Variants in CSF2RA observed in about 807,000 individuals in gnomAD.
CSF2RA encodes the protein granulocyte-macrophage colony-stimulating factor receptor subunit alpha.
In CSF2RA, 42 loss-of-function variants were observed where a neutral mutation model predicts 51.6. The ratio of observed to expected loss-of-function variants is 0.81; its 90% CI spans 0.64 to 1.05. The LOEUF (loss-of-function observed/expected upper bound fraction) is 1.05, where lower values mean the gene tolerates loss of function less well. CSF2RA is among the 50% of genes least tolerant of loss of function. The pLI is 0.00. For missense variants in CSF2RA, 530 were observed against 501.1 expected (o/e 1.06, Z -0.55); for synonymous variants, 222 against 193.0 (o/e 1.15, Z -1.24).
the CSF2RA span, among the ~76,000 whole-genome samples, chrX:1,316,997 A>G: frequency 6.6e-6 from 1 of 152,112 alleles, no homozygotes; most frequent in African/African-American, 2.4e-5. Flanking sequence ...CCCAGGCTGG[A>G]GTGCAGTGGC....
intron 2 of CSF2RA, among the ~76,000 whole-genome samples, chrX:1,279,782 T>C (rs1306454052): frequency 6.6e-6 from 1 of 151,792 alleles, no homozygotes; most frequent in Non-Finnish European, 1.5e-5. Context: ...CAACCGTTTT[T>C]TTTTTTTGTT....
At chrX:1,270,430 G>T (rs59881700) in intron 1 of CSF2RA, among the ~76,000 whole-genome samples, 3,476 of 151,912 alleles carry the variant, frequency 0.023, 134 homozygotes, top group African/African-American at 0.079. Flanking sequence ...TAGGGACGAG[G>T]GTTTCACTGT....
chrX:1,274,237 GC>G (rs1277705287), intron 1 of CSF2RA, among the ~76,000 whole-genome samples: 6 of 152,030 alleles, frequency 3.9e-5, no homozygotes, highest in Non-Finnish European at 8.8e-5. Context: ...GGTTAAGGAC[GC>G]CTGCCCATGA....
At chrX:1,289,541 T>C (rs2091132264) in intron 6 of CSF2RA, among the ~76,000 whole-genome samples, 1 of 150,670 alleles carries the variant, frequency 6.6e-6, no homozygotes, top group Admixed American at 6.7e-5. Flanking sequence ...TGTTTTTCTT[T>C]TGTTTTTGTG....
chrX:1,312,066 C>G (rs1324088958), downstream of CSF2RA, among the ~76,000 whole-genome samples: 1 of 152,176 alleles, frequency 6.6e-6, no homozygotes, highest in Non-Finnish European at 1.5e-5. Flanking sequence ...AGGCAATTCT[C>G]ATGCCTCAGC....
chrX:1,286,034 A>T, intron 4 of CSF2RA, 114 bp downstream of exon 4: 1 of 1,166,686 alleles, frequency 8.6e-7, no homozygotes. Context: ...GCACTTTGGG[A>T]GGCTGAGGTG....
At chrX:1,287,744 CT>C (rs1178100946) in intron 4 of CSF2RA, among the ~76,000 whole-genome samples, 1 of 124,160 alleles carries the variant, frequency 8.1e-6, no homozygotes, top group South Asian at 2.7e-4. Context: ...ATGTCCGACC[CT>C]TTTTTTGGGG....
intron 6 of CSF2RA, among the ~76,000 whole-genome samples, chrX:1,289,492 C>G (rs1333193435): frequency 1.3e-5 from 2 of 151,014 alleles, no homozygotes; most frequent in Non-Finnish European, 3.0e-5. Context: ...TTTTGTTTTG[C>G]CTTGTGTTTT....
At chrX:1,272,452 C>T (rs28838006) in intron 1 of CSF2RA, among the ~76,000 whole-genome samples, 10 of 150,200 alleles carry the variant, frequency 6.7e-5, no homozygotes, top group African/African-American at 2.2e-4. Context: ...ATTTCTACTG[C>T]GGACTGAACT....
At chrX:1,313,306 C>T (rs1207847105), downstream of CSF2RA, among the ~76,000 whole-genome samples, 7 of 151,690 alleles carry the variant, frequency 4.6e-5, no homozygotes, top group East Asian at 1.9e-4. Context: ...TGGTGGCACA[C>T]GCCTGTAATC....
chrX:1,285,843 A>G lies in CSF2RA; in HGVS notation c.142A>G (p.Ser48Gly), dbSNP rs1437263714. The G allele has an allele frequency of 1.2e-6, 2 of 1,613,806 alleles. No homozygotes were observed. Among genetic ancestry groups the G allele is most frequent in the Non-Finnish European group, 1.7e-6 (2 of 1,179,856 alleles). ...VRFDSRTMNL[S>G]WDCQENTTFS... ...GTTTGACTCCAGGACGATGAATTTAAGCTGGGACTGCCAAGAAAACACAAC... is the reference window on the plus strand; with the variant it reads ...GTTTGACTCCAGGACGATGAATTTAGGCTGGGACTGCCAAGAAAACACAAC... Residue 48 changes from serine (S) to glycine (G), a missense_variant, in exon 4 of 13, where the codon AGC becomes GGC. Transcript: ENST00000381529.
Position 1,288,661 on chromosome X carries a change from G to A in CSF2RA, c.343+19G>A. ...AATTCAGGTAAGCAAGACAGCTCAGGGATCCGTTTACAGCACTGGCCCCAC... is the reference window on the plus strand; with the variant it reads ...AATTCAGGTAAGCAAGACAGCTCAGAGATCCGTTTACAGCACTGGCCCCAC... On this transcript the variant is annotated intron_variant, in intron 5 of 12. Transcript: ENST00000381529. 6.2e-7 allele frequency: 1 copy of A among 1,613,886 alleles called. No homozygotes were observed. The highest frequency in any genetic ancestry group is 1.7e-5 in the Admixed American group (1 of 59,982).
chrX:1,272,832 T>C (rs544365012), intron 1 of CSF2RA, among the ~76,000 whole-genome samples: 3 of 150,296 alleles, frequency 2.0e-5, no homozygotes, highest in Non-Finnish European at 4.4e-5. Context: ...TTTCTTTTTT[T>C]TTTTTAGATG....
chrX:1,302,333 T>C (rs2083074707), intron 10 of CSF2RA, among the ~76,000 whole-genome samples: 2 of 151,926 alleles, frequency 1.3e-5, no homozygotes, highest in South Asian at 2.1e-4. Flanking sequence ...TATTGAGAAG[T>C]ATGCGGTTTT....
chrX:1,306,745 A>G (rs1325933689), intron 12 of CSF2RA, among the ~76,000 whole-genome samples: 1 of 151,810 alleles, frequency 6.6e-6, no homozygotes, highest in East Asian at 1.9e-4. Flanking sequence ...AGACAGAGAG[A>G]CACAGAGAAA....
At chrX:1,275,122 G>A (rs1233221805) in intron 2 of CSF2RA, among the ~76,000 whole-genome samples, 2 of 150,936 alleles carry the variant, frequency 1.3e-5, no homozygotes, top group Non-Finnish European at 2.9e-5. Context: ...GCCGGGCGCA[G>A]TGGCTCAAGC....
intron 1 of CSF2RA, among the ~76,000 whole-genome samples, chrX:1,269,679 G>T (rs1269962952): frequency 1.3e-5 from 2 of 151,910 alleles, no homozygotes; most frequent in East Asian, 1.9e-4. Flanking sequence ...GAGCTGAAAG[G>T]GGGAGGGAGT....
intron 9 of CSF2RA, among the ~76,000 whole-genome samples, chrX:1,297,180 G>C (rs371638394): frequency 1.5e-3 from 28 of 19,212 alleles, no homozygotes; most frequent in Admixed American, 2.2e-3. Context: ...GACCCCTACA[G>C]TCTCCTACAC....
At chrX:1,280,070 G>C (rs1392643743) in intron 2 of CSF2RA, among the ~76,000 whole-genome samples, 15 of 152,008 alleles carry the variant, frequency 9.9e-5, no homozygotes, top group East Asian at 2.0e-4. Context: ...GATTACAGGC[G>C]TGAGCCACTG....
Sources: allele counts gnomAD v4.1 joint callset (sites outside exome capture counted in the v4.1 genomes callset), GRCh38; gene constraint gnomAD v4.1.1; transcripts MANE v1.5; gene names NCBI Gene and HGNC (gene_info 2026-07-23, HGNC 2026-07-21).